KIZ: variants seen among roughly 807,000 people sequenced by gnomAD.
The protein encoded by KIZ is kizuna centrosomal protein.
KIZ carries 68 observed loss-of-function variants against 79.6 expected under a neutral mutation model. The observed-to-expected ratio is 0.85, with a 90% confidence interval of 0.70 to 1.05. KIZ has a LOEUF of 1.05. Among genes scored for constraint, KIZ ranks in the 50% least tolerant of loss-of-function variants. KIZ has a pLI of 0.00. For missense variants in KIZ, 797 were observed against 800.4 expected (o/e 1.00, Z 0.05); for synonymous variants, 280 against 281.8 (o/e 0.99, Z 0.06).
At chr20:21,182,844 T>G (rs914131740) in intron 6 of KIZ, among the ~76,000 whole-genome samples, 2 of 151,510 alleles carry the variant, frequency 1.3e-5, no homozygotes, top group Non-Finnish European at 2.9e-5. Context: ...TATTTTAGAC[T>G]TCTTTTCTCC....
At chr20:21,171,108 T>G in intron 6 of KIZ, among the ~76,000 whole-genome samples, 1 of 152,244 alleles carries the variant, frequency 6.6e-6, no homozygotes, top group East Asian at 1.9e-4. Context: ...GGTATTGTCA[T>G]TTTAAAATTT....
intron 4 of KIZ, among the ~76,000 whole-genome samples, chr20:21,159,619 A>T (rs967633248): frequency 6.6e-6 from 1 of 152,116 alleles, no homozygotes; most frequent in Non-Finnish European, 1.5e-5. Flanking sequence ...ATCTTACAGT[A>T]TATGGTCTTT....
intron 10 of KIZ, among the ~76,000 whole-genome samples, chr20:21,231,584 C>A (rs930510806): frequency 6.6e-6 from 1 of 152,170 alleles, no homozygotes; most frequent in African/African-American, 2.4e-5. Context: ...GGAAGTGCTC[C>A]TGCCTATGTT....
intron 6 of KIZ, among the ~76,000 whole-genome samples, chr20:21,186,578 C>G (rs1174554965): frequency 6.7e-6 from 1 of 148,782 alleles, no homozygotes; most frequent in Non-Finnish European, 1.5e-5. Context: ...TTCTAGTAGG[C>G]AAACTAGATA....
chr20:21,168,488 G>T (rs371276116), intron 6 of KIZ, among the ~76,000 whole-genome samples: 2 of 152,246 alleles, frequency 1.3e-5, no homozygotes, highest in South Asian at 2.1e-4. Flanking sequence ...AATCAATATC[G>T]TGAAAATGGC....
intron 6 of KIZ, among the ~76,000 whole-genome samples, chr20:21,192,372 A>T (rs572001488): frequency 3.8e-4 from 56 of 146,840 alleles, no homozygotes; most frequent in African/African-American, 1.3e-3. Flanking sequence ...CTAGACTCCA[A>T]CTCCTGGGCT....
At chr20:21,152,571 A>G (rs4813414) in intron 4 of KIZ, among the ~76,000 whole-genome samples, 87,770 of 152,038 alleles carry the variant, frequency 0.58, 26,911 homozygotes, top group South Asian at 0.78. Context: ...GGGATATTGA[A>G]TTGTATTATA....
chr20:21,132,052 C>T (rs1365634194), intron 1 of KIZ, 45 bp from the exon 2 acceptor site: 1 of 825,404 alleles, frequency 1.2e-6, no homozygotes, highest in Non-Finnish European at 2.0e-6. Flanking sequence ...ATCCAACTCC[C>T]TGTTACTTAT....
intron 6 of KIZ, among the ~76,000 whole-genome samples, chr20:21,204,238 C>T (rs1191796419): frequency 6.7e-6 from 1 of 148,210 alleles, no homozygotes; most frequent in Non-Finnish European, 1.5e-5. Flanking sequence ...GCCTCAGCCT[C>T]CCAAGTAGCT....
chr20:21,200,602 A>T (rs1466056074), intron 6 of KIZ, among the ~76,000 whole-genome samples: 1 of 151,916 alleles, frequency 6.6e-6, no homozygotes, highest in Admixed American at 6.6e-5. Flanking sequence ...CACAGTTCAC[A>T]ATAGGGTTCA....
chr20:21,222,567 G>T (rs1184612435), intron 9 of KIZ, among the ~76,000 whole-genome samples: 1 of 152,196 alleles, frequency 6.6e-6, no homozygotes, highest in Non-Finnish European at 1.5e-5. Context: ...TCCTAGGGCT[G>T]TTGTAACAAA....
rs114388967 is a variant in KIZ, at chr20:21,216,073, C to T, written c.1678+425C>T. Among the ~76,000 whole-genome samples the T allele has an allele frequency of 6.0e-3, 919 of 152,228 alleles. 14 individuals carry two copies. Among genetic ancestry groups the T allele is most frequent in the African/African-American group, 0.022 (902 of 41,540 alleles). ...AAAAAAATGTCAGATAGGAAGCTTG[C>T]GTTTGCCTCAGTTACAAAGCCTGTC... On this transcript the variant is annotated intron_variant, in intron 9 of 12. Coordinates refer to ENST00000619189, the MANE Select transcript of KIZ (RefSeq NM_018474.6).
chr20:21,186,056 A>C (rs1052481516), intron 6 of KIZ, among the ~76,000 whole-genome samples: 4 of 152,180 alleles, frequency 2.6e-5, no homozygotes, highest in Non-Finnish European at 5.9e-5. Context: ...TGATCTCGAC[A>C]GATTCTTAAA....
intron 1 of KIZ, 56 bp downstream of exon 1, chr20:21,126,260 G>A: frequency 8.4e-7 from 1 of 1,189,138 alleles, no homozygotes; most frequent in Admixed American, 3.8e-5. Flanking sequence ...TCTTCCGCGT[G>A]CCCTGCCCCA....
chr20:21,197,362 C>T (rs1323277618), intron 6 of KIZ: 5 of 152,208 alleles, frequency 3.3e-5, no homozygotes, highest in Admixed American at 1.3e-4. Context: ...GAATGGAAAA[C>T]TAATAGTCAT....
intron 12 of KIZ, 163 bp from the exon 13 acceptor site, chr20:21,246,316 G>T: frequency 1.6e-6 from 1 of 624,574 alleles, no homozygotes; most frequent in South Asian, 1.9e-5. Context: ...TGTGCAGTAT[G>T]ACATGCATTT....
chr20:21,188,876 G>A lies in KIZ; in HGVS notation c.1353-16615G>A, dbSNP rs542289327. On this transcript the variant is annotated intron_variant, in intron 6 of 12. Coordinates refer to ENST00000619189, the MANE Select transcript of KIZ (RefSeq NM_018474.6). ...CACCACGCCCAGCTAATTTTTGTGT[G>A]TGTGTGTTTTTTTGGTAGAGACGGG... Among the ~76,000 whole-genome samples, 21 of 151,658 alleles carry A rather than the reference G, an allele frequency of 1.4e-4. No individual in the cohort carries two copies. The East Asian group carries it at 3.7e-3, about 27-fold the overall frequency.
At chr20:21,174,557 T>C (rs1365760719) in intron 6 of KIZ, among the ~76,000 whole-genome samples, 3 of 152,326 alleles carry the variant, frequency 2.0e-5, no homozygotes, top group African/African-American at 7.2e-5. Flanking sequence ...CAATTTGACC[T>C]CTTACTCCGT....
intron 4 of KIZ, chr20:21,151,742 T>C (rs1309337648): frequency 1.3e-5 from 2 of 152,224 alleles, no homozygotes; most frequent in Non-Finnish European, 2.9e-5. Flanking sequence ...CCTAGAACTT[T>C]CTTGGAAAAG....
Sources: gnomAD v4.1 joint callset for allele counts (sites outside exome capture counted in the v4.1 genomes callset) on GRCh38, gnomAD v4.1.1 for gene constraint, MANE v1.5 for transcripts, NCBI Gene and HGNC (gene_info 2026-07-23, HGNC 2026-07-21) for gene names.